Variants in XKR6 observed in about 807,000 individuals in gnomAD.
The protein encoded by XKR6 is XK related 6.
XKR6 carries 22 observed loss-of-function variants against 56.7 expected under a neutral mutation model. The observed-to-expected ratio is 0.39, with a 90% CI of 0.28 to 0.55. XKR6 has a LOEUF of 0.55. Ranked by LOEUF, XKR6 falls within the 20% of genes least tolerant of loss-of-function variation. The probability of loss-of-function intolerance (pLI) is 0.66; values close to 1 mark genes in which losing one functional copy is unlikely to be tolerated. For missense variants in XKR6, 852 were observed against 889.0 expected (o/e 0.96, Z 0.53); for synonymous variants, 524 against 387.8 (o/e 1.35, Z -4.13).
intron 1 of XKR6, among the ~76,000 whole-genome samples, chr8:10,934,867 C>G (rs1267502610): frequency 1.4e-5 from 2 of 144,562 alleles, no homozygotes; most frequent in African/African-American, 2.6e-5. Flanking sequence ...TCTCTTTTTT[C>G]GTTGTGTCTC....
intron 2 of XKR6, among the ~76,000 whole-genome samples, chr8:10,911,038 T>C (rs531419044): frequency 6.6e-6 from 1 of 152,244 alleles, no homozygotes; most frequent in African/African-American, 2.4e-5. Context: ...GGCAGTGAGA[T>C]GCTCTGGAAA....
At chr8:11,166,774 T>C (rs930418174) in intron 1 of XKR6, among the ~76,000 whole-genome samples, 1 of 152,142 alleles carries the variant, frequency 6.6e-6, no homozygotes, top group Non-Finnish European at 1.5e-5. Flanking sequence ...GGTTTCACCA[T>C]GTTGGCCAGG....
intron 1 of XKR6, among the ~76,000 whole-genome samples, chr8:11,016,379 G>A (rs902876341): frequency 3.3e-5 from 5 of 152,162 alleles, no homozygotes; most frequent in Non-Finnish European, 7.4e-5. Context: ...TGTGCGCCGC[G>A]GGGACGCCGG....
intron 1 of XKR6, among the ~76,000 whole-genome samples, chr8:10,957,734 A>G (rs10095039): frequency 0.18 from 27,767 of 151,762 alleles, 3,379 homozygotes; most frequent in African/African-American, 0.35. Flanking sequence ...CCAATGGGGG[A>G]CCTCTCCTCA....
At chr8:11,122,792 A>G (rs185524520) in intron 1 of XKR6, among the ~76,000 whole-genome samples, 162 of 152,296 alleles carry the variant, frequency 1.1e-3, no homozygotes, top group Non-Finnish European at 1.9e-3. Context: ...GACTCATACT[A>G]TTTAATCTGA....
chr8:11,038,498 T>TGC (rs1491489979), intron 1 of XKR6, among the ~76,000 whole-genome samples: 1 of 7,460 alleles, frequency 1.3e-4, no homozygotes, highest in Non-Finnish European at 2.3e-4. Flanking sequence ...GTAGTCATTT[T>TGC]GTGTGTGTGT....
intron 1 of XKR6, among the ~76,000 whole-genome samples, chr8:11,150,332 C>G (rs1158499429): frequency 2.0e-5 from 3 of 152,112 alleles, no homozygotes; most frequent in African/African-American, 7.2e-5. Context: ...AACAAAACAC[C>G]ACATGTACCC....
At chr8:11,150,011 G>C (rs930306981) in intron 1 of XKR6, among the ~76,000 whole-genome samples, 5 of 152,160 alleles carry the variant, frequency 3.3e-5, no homozygotes, top group African/African-American at 9.7e-5. Flanking sequence ...ACATGTGGGA[G>C]CTAAAAAATT....
intron 1 of XKR6, among the ~76,000 whole-genome samples, chr8:11,076,553 G>A (rs953300797): frequency 2.6e-5 from 4 of 152,128 alleles, no homozygotes; most frequent in African/African-American, 9.7e-5. Flanking sequence ...TGAGCTGTGC[G>A]ACCTCAGCCT....
At chr8:11,027,176 TG>T (rs1240189294) in intron 1 of XKR6, among the ~76,000 whole-genome samples, 2 of 152,202 alleles carry the variant, frequency 1.3e-5, no homozygotes, top group African/African-American at 4.8e-5. Flanking sequence ...TGTAACACAG[TG>T]GTAAGTATTT....
At chr8:11,108,170 G>A in intron 1 of XKR6, 2 of 415,292 alleles carry the variant, frequency 4.8e-6, no homozygotes, top group South Asian at 1.8e-5. Flanking sequence ...GGGTGCATCT[G>A]TTCTGTTAAA....
intron 1 of XKR6, chr8:11,137,762 G>A (rs1462410487): frequency 6.6e-6 from 3 of 451,282 alleles, no homozygotes; most frequent in Admixed American, 2.4e-5. Flanking sequence ...TCCTGCTCCG[G>A]TCCTCTTTCT....
intron 1 of XKR6, among the ~76,000 whole-genome samples, chr8:10,991,259 G>A (rs542209622): frequency 1.8e-4 from 27 of 152,174 alleles, no homozygotes; most frequent in Admixed American, 1.0e-3. Context: ...GGAAATGCTG[G>A]TCATGGTGCA....
chr8:11,178,343 T>A lies in XKR6; in HGVS notation c.764+22233A>T, dbSNP rs965068316. Among the ~76,000 whole-genome samples, 16 of 151,920 alleles carry A rather than the reference T, an allele frequency of 1.1e-4. 1 individual carries two copies. The highest frequency in any genetic ancestry group is 3.9e-4 in the African/African-American group (16 of 41,408). On this transcript the variant is annotated intron_variant, in intron 1 of 2. Coordinates refer to ENST00000416569, the MANE Select transcript of XKR6 (RefSeq NM_173683.4). ...TACAAATGGGCCAAAAAACATAAGG[T>A]ATTAAAAATGAATTATCTCATGAGT... is the stretch of plus-strand genomic sequence containing the variant.
intron 1 of XKR6, among the ~76,000 whole-genome samples, chr8:10,997,330 G>A (rs1402799676): frequency 1.3e-5 from 2 of 152,136 alleles, no homozygotes; most frequent in South Asian, 2.1e-4. Flanking sequence ...ACCTCTTGAG[G>A]TGACCACTGT....
intron 1 of XKR6, among the ~76,000 whole-genome samples, chr8:11,174,112 T>C (rs1802529748): frequency 6.6e-6 from 1 of 152,242 alleles, no homozygotes; most frequent in African/African-American, 2.4e-5. Context: ...TTTCTATTAA[T>C]TCTATTAATC....
intron 2 of XKR6, among the ~76,000 whole-genome samples, chr8:10,912,201 G>C (rs1800401313): frequency 6.8e-6 from 1 of 146,050 alleles, no homozygotes; most frequent in African/African-American, 2.5e-5. Context: ...GAGTGGGATG[G>C]TGTGTGTGTG....
chr8:11,166,342 G>A (rs935155728), intron 1 of XKR6, among the ~76,000 whole-genome samples: 2 of 152,124 alleles, frequency 1.3e-5, no homozygotes, highest in African/African-American at 2.4e-5. Flanking sequence ...AAGGTGTCAT[G>A]AAGATCACAA....
chr8:11,090,426 C>T (rs1226485421), intron 1 of XKR6, among the ~76,000 whole-genome samples: 3 of 150,616 alleles, frequency 2.0e-5, no homozygotes, highest in African/African-American at 7.3e-5. Context: ...TTCTTAATTT[C>T]CAGCATTTTT....
Sources: allele counts gnomAD v4.1 joint callset (sites outside exome capture counted in the v4.1 genomes callset), GRCh38; gene constraint gnomAD v4.1.1; transcripts MANE v1.5; gene names NCBI Gene and HGNC (gene_info 2026-07-23, HGNC 2026-07-21).